PMM2: variants seen among roughly 807,000 people sequenced by gnomAD.
PMM2 encodes mannose-6-phosphate isomerase.
PMM2 carries 35 observed loss-of-function variants against 33.2 expected under a neutral mutation model. The observed-to-expected ratio is 1.06, with a 90% confidence interval of 0.81 to 1.40. PMM2 has a LOEUF of 1.40. Among genes scored for constraint, PMM2 ranks in the 40% most tolerant of loss-of-function variants. The pLI is 0.00. For synonymous variants in PMM2, 153 were observed against 114.7 expected (o/e 1.33, Z -2.13); for missense variants, 386 against 306.0 (o/e 1.26, Z -1.95).
intron 1 of PMM2, among the ~76,000 whole-genome samples, chr16:8,801,577 A>C (rs141931843): frequency 1.3e-5 from 2 of 152,196 alleles, no homozygotes; most frequent in Non-Finnish European, 2.9e-5. Context: ...AGGCAGAGAT[A>C]GGAGGATCAC....
intron 7 of PMM2, among the ~76,000 whole-genome samples, chr16:8,836,486 G>T (rs937270036): frequency 6.6e-6 from 1 of 152,066 alleles, no homozygotes; most frequent in African/African-American, 2.4e-5. Context: ...GCAAGCTCCT[G>T]GGGGAGGAGG....
intron 2 of PMM2, among the ~76,000 whole-genome samples, chr16:8,802,700 G>T (rs559051312): frequency 6.6e-6 from 1 of 151,994 alleles, no homozygotes; most frequent in South Asian, 2.1e-4. Flanking sequence ...CGTGATGACG[G>T]GCACCTGTAA....
chr16:8,814,554 G>C (rs896367268), intron 7 of PMM2, among the ~76,000 whole-genome samples: 2 of 152,152 alleles, frequency 1.3e-5, no homozygotes, highest in African/African-American at 4.8e-5. Context: ...CAGCATGAGG[G>C]GTACACAGTG....
chr16:8,837,664 C>T (rs138386174), intron 7 of PMM2, among the ~76,000 whole-genome samples: 7 of 151,830 alleles, frequency 4.6e-5, no homozygotes, highest in Non-Finnish European at 7.4e-5. Flanking sequence ...GGGGTACTTA[C>T]CCCTCCCCTA....
chr16:8,801,354 A>G (rs1407596141), intron 1 of PMM2, among the ~76,000 whole-genome samples: 1 of 152,242 alleles, frequency 6.6e-6, no homozygotes, highest in Non-Finnish European at 1.5e-5. Context: ...AACTATGTAC[A>G]GAGCTGGTAA....
At chr16:8,832,852 C>G in intron 7 of PMM2, 1 of 985,426 alleles carries the variant, frequency 1.0e-6, no homozygotes, top group Non-Finnish European at 1.2e-6. Flanking sequence ...GGCCACATGG[C>G]CTGTGCCCTC....
At chr16:8,844,534 A>C (rs1480727682) in intron 7 of PMM2, among the ~76,000 whole-genome samples, 1 of 152,078 alleles carries the variant, frequency 6.6e-6, no homozygotes, top group African/African-American at 2.4e-5. Context: ...AGAGACACGG[A>C]AAGAAGGGGT....
chr16:8,825,844 C>T (rs1174115947), intron 7 of PMM2, among the ~76,000 whole-genome samples: 1 of 151,312 alleles, frequency 6.6e-6, no homozygotes, highest in East Asian at 1.9e-4. Flanking sequence ...CAACCTCTGC[C>T]TCTCAGGTTC....
chr16:8,827,894 A>G (rs1420354785), intron 7 of PMM2, among the ~76,000 whole-genome samples: 1 of 102,846 alleles, frequency 9.7e-6, no homozygotes, highest in Non-Finnish European at 2.0e-5. Context: ...TATATGATAT[A>G]TATGATATAT....
At chr16:8,811,915 G>A (rs746602803) in intron 6 of PMM2, among the ~76,000 whole-genome samples, 10 of 152,246 alleles carry the variant, frequency 6.6e-5, no homozygotes, top group Non-Finnish European at 1.3e-4. Context: ...TCAAGAAACA[G>A]CTTACACGCT....
At chr16:8,841,643 C>G (rs1469459792) in intron 7 of PMM2, among the ~76,000 whole-genome samples, 6 of 145,616 alleles carry the variant, frequency 4.1e-5, no homozygotes, top group Non-Finnish European at 9.1e-5. Context: ...GCCTTTGCTG[C>G]TATGTGGCGA....
intron 3 of PMM2, among the ~76,000 whole-genome samples, chr16:8,805,892 T>C (rs573864967): frequency 6.6e-6 from 1 of 152,312 alleles, no homozygotes; most frequent in South Asian, 2.1e-4. Context: ...GCCTGGGCAC[T>C]ATAAGCATTT....
intron 7 of PMM2, among the ~76,000 whole-genome samples, chr16:8,821,663 G>A (rs1211144681): frequency 4.6e-5 from 7 of 152,210 alleles, no homozygotes; most frequent in African/African-American, 1.7e-4. Context: ...GCTCAGAGCC[G>A]TCAACAGACC....
intron 7 of PMM2, chr16:8,842,336 A>T (rs569547152): frequency 6.6e-6 from 1 of 152,290 alleles, no homozygotes; most frequent in Non-Finnish European, 1.5e-5. Flanking sequence ...AGAAGATTCA[A>T]AGGAGGGGCT....
intron 7 of PMM2, among the ~76,000 whole-genome samples, chr16:8,827,898 G>C (rs1048921132): frequency 3.6e-5 from 1 of 27,770 alleles, no homozygotes; most frequent in East Asian, 1.1e-3. Context: ...TGATATATAT[G>C]ATATATATTA....
chr16:8,799,183 T>A (rs989938784), intron 1 of PMM2, among the ~76,000 whole-genome samples: 2 of 152,214 alleles, frequency 1.3e-5, no homozygotes, highest in Non-Finnish European at 1.5e-5. Flanking sequence ...TAAGAGTGGC[T>A]GTGTACCAAT....
At chr16:8,798,944 AC>A (rs1314616620) in intron 1 of PMM2, among the ~76,000 whole-genome samples, 1 of 152,092 alleles carries the variant, frequency 6.6e-6, no homozygotes, top group Non-Finnish European at 1.5e-5. Context: ...GGTTTGATTT[AC>A]CTAGTGATGA....
chr16:8,801,828 A>C lies in PMM2; in HGVS notation c.96A>C (p.Leu32=), dbSNP rs772136659. 64 of 1,611,240 alleles carry C rather than the reference A, an allele frequency of 4.0e-5. No individual in the cohort carries two copies. The highest frequency in any genetic ancestry group is 5.4e-5 in the Non-Finnish European group (64 of 1,178,012). Residue 32 remains leucine, a synonymous_variant, in exon 2 of 8, where the codon CTA becomes CTC. Coordinates refer to ENST00000268261, the MANE Select transcript of PMM2 (RefSeq NM_000303.3). ...QKITKEMDDF[L]QKLRQKIKIG... ...TTACCAAAGAAATGGATGACTTCCT[A>C]CAAAAATTGAGGCAGAAGATCAAAA...
chr16:8,833,880 T>A (rs953199338), intron 7 of PMM2, among the ~76,000 whole-genome samples: 2 of 152,108 alleles, frequency 1.3e-5, no homozygotes, highest in African/African-American at 4.8e-5. Flanking sequence ...CTCAAGAGTT[T>A]AGAGTGGCAG....
Sources: gnomAD v4.1 joint callset for allele counts (sites outside exome capture counted in the v4.1 genomes callset) on GRCh38, gnomAD v4.1.1 for gene constraint, MANE v1.5 for transcripts, NCBI Gene and HGNC (gene_info 2026-07-23, HGNC 2026-07-21) for gene names.